Variants in GUCA1C observed in about 807,000 individuals in gnomAD.
GUCA1C encodes the protein guanylyl cyclase-activating protein 3.
A neutral mutation model predicts 16.2 loss-of-function variants in GUCA1C; 15 were observed. The ratio of observed to expected loss-of-function variants is 0.93; its 90% CI spans 0.62 to 1.43. GUCA1C has a LOEUF of 1.43. Ranked by LOEUF, GUCA1C falls within the 40% of genes most tolerant of loss-of-function variation. The probability of loss-of-function intolerance (pLI) is 0.00; values close to 1 mark genes in which losing one functional copy is unlikely to be tolerated. For missense variants in GUCA1C, 275 were observed against 244.8 expected (o/e 1.12, Z -0.82); for synonymous variants, 78 against 85.4 (o/e 0.91, Z 0.48).
chr3:108,927,203 G>A (rs1017862849), intron 1 of GUCA1C, among the ~76,000 whole-genome samples: 1 of 151,928 alleles, frequency 6.6e-6, no homozygotes, highest in Admixed American at 6.6e-5. Flanking sequence ...ATGACTATGT[G>A]CCTAGGCAAT....
rs551051683 is a variant in GUCA1C at position 108,926,512 on chromosome 3, G to T, written c.205-5927C>A. On this transcript the variant is annotated intron_variant, in intron 1 of 3. Coordinates refer to ENST00000261047, the MANE Select transcript of GUCA1C (RefSeq NM_005459.4). ...CTGGTTTTTTTTGAGACGGAGTCTC[G>T]CTCTGTCCCCCAGGCTGGAGTGCAG... is the stretch of plus-strand genomic sequence containing the variant. Among the ~76,000 whole-genome samples the T allele has an allele frequency of 6.6e-5, 10 of 152,262 alleles. No individual in the cohort carries two copies. The South Asian group carries it at 2.1e-3, about 32-fold the overall frequency.
chr3:108,924,014 T>C (rs895662574), intron 1 of GUCA1C, among the ~76,000 whole-genome samples: 4 of 152,194 alleles, frequency 2.6e-5, no homozygotes, highest in Non-Finnish European at 5.9e-5. Context: ...CCTTAACTTT[T>C]GCTGAATTCA....
intron 1 of GUCA1C, among the ~76,000 whole-genome samples, chr3:108,938,159 T>TC (rs1946748148): frequency 6.6e-6 from 1 of 152,042 alleles, no homozygotes; most frequent in Admixed American, 6.6e-5. Context: ...AGGAAAACAA[T>TC]CCATCTCCAA....
At chr3:108,941,711 C>A (rs1051455489) in intron 1 of GUCA1C, among the ~76,000 whole-genome samples, 3 of 152,156 alleles carry the variant, frequency 2.0e-5, no homozygotes, top group Non-Finnish European at 4.4e-5. Flanking sequence ...GCCCTGAGGG[C>A]CATTTATTTA....
At chr3:108,941,969 A>G (rs565898149) in intron 1 of GUCA1C, among the ~76,000 whole-genome samples, 112 of 152,226 alleles carry the variant, frequency 7.4e-4, no homozygotes, top group Non-Finnish European at 1.3e-3. Flanking sequence ...AGACCCCCAA[A>G]TGCCATCTCC....
At chr3:108,938,092 T>C (rs1946747293) in intron 1 of GUCA1C, among the ~76,000 whole-genome samples, 1 of 151,642 alleles carries the variant, frequency 6.6e-6, no homozygotes, top group Non-Finnish European at 1.5e-5. Flanking sequence ...GAAATAGAAA[T>C]TGTTGTTATT....
chr3:108,945,153 A>T (rs1232461921), intron 1 of GUCA1C, among the ~76,000 whole-genome samples: 1 of 152,206 alleles, frequency 6.6e-6, no homozygotes, highest in Non-Finnish European at 1.5e-5. Context: ...TCAATCTCCA[A>T]GTGAAGCCTA....
intron 3 of GUCA1C, among the ~76,000 whole-genome samples, chr3:108,910,790 C>T (rs1946444724): frequency 6.6e-6 from 1 of 151,672 alleles, no homozygotes; most frequent in Admixed American, 6.6e-5. Context: ...GCTGGGACTA[C>T]AGGCGCCCAC....
chr3:108,942,249 TTGAG>T (rs1178467057), intron 1 of GUCA1C, among the ~76,000 whole-genome samples: 5 of 152,166 alleles, frequency 3.3e-5, no homozygotes, highest in Non-Finnish European at 5.9e-5. Flanking sequence ...CACAGAAGTG[TTGAG>T]TGTTAGCCTT....
intron 3 of GUCA1C, among the ~76,000 whole-genome samples, chr3:108,915,488 CTG>C (rs1946499024): frequency 6.6e-6 from 1 of 152,134 alleles, no homozygotes; most frequent in African/African-American, 2.4e-5. Flanking sequence ...CTTGGGCTGT[CTG>C]TGTCTTCTCT....
upstream of GUCA1C, among the ~76,000 whole-genome samples, chr3:108,954,572 A>G (rs1405038357): frequency 1.3e-5 from 2 of 152,106 alleles, no homozygotes; most frequent in Non-Finnish European, 2.9e-5. Flanking sequence ...CCATTTGCCA[A>G]TGAACTTAAG....
intron 1 of GUCA1C, among the ~76,000 whole-genome samples, chr3:108,942,310 G>T (rs1390740510): frequency 6.6e-6 from 1 of 152,164 alleles, no homozygotes; most frequent in African/African-American, 2.4e-5. Flanking sequence ...ATCCCCAAAT[G>T]CCTCAACTTC....
At chr3:108,952,555 C>G (rs1039514834) in intron 1 of GUCA1C, among the ~76,000 whole-genome samples, 10 of 152,164 alleles carry the variant, frequency 6.6e-5, no homozygotes, top group Non-Finnish European at 1.2e-4. Context: ...TCCCAAGTTC[C>G]TGCCTGTTAC....
At chr3:108,935,660 C>T (rs1057223713) in intron 1 of GUCA1C, among the ~76,000 whole-genome samples, 1 of 152,126 alleles carries the variant, frequency 6.6e-6, no homozygotes, top group African/African-American at 2.4e-5. Flanking sequence ...TGCGCCACTG[C>T]ACTCCAGCCT....
At chr3:108,952,190 G>T (rs1946901924) in intron 1 of GUCA1C, among the ~76,000 whole-genome samples, 2 of 152,220 alleles carry the variant, frequency 1.3e-5, no homozygotes, top group Non-Finnish European at 2.9e-5. Context: ...ATGACAGAGA[G>T]AAAGAAAGAG....
chr3:108,924,770 T>C (rs1946606316), intron 1 of GUCA1C, among the ~76,000 whole-genome samples: 2 of 152,160 alleles, frequency 1.3e-5, no homozygotes, highest in African/African-American at 2.4e-5. Flanking sequence ...CTGGACTTTT[T>C]TGTTGGCAAT....
At chr3:108,951,597 C>T (rs191243287) in intron 1 of GUCA1C, among the ~76,000 whole-genome samples, 2 of 152,304 alleles carry the variant, frequency 1.3e-5, no homozygotes, top group East Asian at 3.9e-4. Flanking sequence ...AATTGCACAT[C>T]ATTTCTTAGT....
intron 3 of GUCA1C, among the ~76,000 whole-genome samples, chr3:108,910,228 G>A (rs1482753825): frequency 6.6e-6 from 1 of 152,182 alleles, no homozygotes; most frequent in Non-Finnish European, 1.5e-5. Context: ...GCCGTGAGCG[G>A]TGGCTCACGC....
intron 2 of GUCA1C, among the ~76,000 whole-genome samples, chr3:108,920,178 A>T (rs565371584): frequency 6.6e-6 from 1 of 152,206 alleles, no homozygotes; most frequent in East Asian, 1.9e-4. Flanking sequence ...TTACAATATC[A>T]TATTTGTTTC....
Sources: allele counts gnomAD v4.1 joint callset (sites outside exome capture counted in the v4.1 genomes callset), GRCh38; gene constraint gnomAD v4.1.1; transcripts MANE v1.5; gene names NCBI Gene and HGNC (gene_info 2026-07-23, HGNC 2026-07-21).